The following GPNMB variants were observed in gnomAD, a reference collection of about 807,000 sequenced individuals.
GPNMB encodes the protein glycoprotein nmb, also known as transmembrane glycoprotein NMB.
A neutral mutation model predicts 57.3 loss-of-function variants in GPNMB; 71 were observed. The ratio of observed to expected loss-of-function variants is 1.24; its 90% CI spans 1.02 to 1.51. The LOEUF (loss-of-function observed/expected upper bound fraction) is 1.51. Ranked by LOEUF, GPNMB falls within the 40% of genes most tolerant of loss-of-function variation. The pLI is 0.00. For missense variants in GPNMB, 677 were observed against 691.9 expected (o/e 0.98, Z 0.24); for synonymous variants, 253 against 263.2 (o/e 0.96, Z 0.38).
In GPNMB at chr7:23,269,952, C is replaced by A; in HGVS notation, c.1221-15C>A. 1.2e-6 allele frequency: 2 copies of A among 1,607,928 alleles called. No homozygotes were observed. The highest frequency in any genetic ancestry group is 1.7e-6 in the Non-Finnish European group (2 of 1,174,590). On this transcript the variant is annotated splice_polypyrimidine_tract_variant and intron_variant, in intron 8 of 10. Transcript: ENST00000258733. ...TCTGTGCCCTGTGCGCCCTCGCCCA[C>A]CTCCCCTGTCGCAGCATTCCCACGG...
chr7:23,267,480 A>G (rs1783092677), intron 7 of GPNMB, among the ~76,000 whole-genome samples: 1 of 152,132 alleles, frequency 6.6e-6, no homozygotes, highest in African/African-American at 2.4e-5. Context: ...ACAGAATTCC[A>G]TAGACTGGGT....
chr7:23,263,569 G>T (rs1398918909), intron 6 of GPNMB, among the ~76,000 whole-genome samples: 1 of 146,024 alleles, frequency 6.8e-6, no homozygotes, highest in African/African-American at 2.6e-5. Flanking sequence ...CCGAGATCGC[G>T]CCATTGCACT....
rs530436 is a variant in GPNMB at position 23,260,022 on chromosome 7, C to A, written c.584C>A (p.Ser195Tyr). 1 of 1,614,170 alleles carries A rather than the reference C, an allele frequency of 6.2e-7. No individual in the cohort carries two copies. The highest frequency in any genetic ancestry group is 8.5e-7 in the Non-Finnish European group (1 of 1,180,006). ...TTGGGACGATGTTCAGTGAGAGTTT[C>A]TGTGAACACAGCCAATGTGACACTT... ...QKLGRCSVRV[S>Y]VNTANVTLGP... The change falls in exon 5 of 11, where the codon TCT becomes TAT. Residue 195 changes from serine to tyrosine, a missense_variant. Physicochemically the swap from Ser to Tyr is moderately radical, Grantham distance 144. Coordinates refer to ENST00000258733, the MANE Select transcript of GPNMB (RefSeq NM_002510.3).
chr7:23,265,470 AGGGC>A (rs142550346), intron 6 of GPNMB, among the ~76,000 whole-genome samples: 5,511 of 152,292 alleles, frequency 0.036, 296 homozygotes, highest in African/African-American at 0.12. Flanking sequence ...TGTAACTAAT[AGGGC>A]ATTAGATTCT....
rs1441038863 is a variant in GPNMB at position 23,267,984 on chromosome 7, G to A, written c.1216G>A (p.Gly406Arg). The A allele has an allele frequency of 6.3e-7, 1 of 1,598,428 alleles. No individual in the cohort carries two copies. The highest frequency in any genetic ancestry group is 1.4e-5 in the African/African-American group (1 of 71,424). Reference sequence around the variant, plus strand: ...AATAGACTTTGTCGTGACCTGCCAAGGGAGGTGAGTATATTATCTCCGACA... The same window carrying A: ...AATAGACTTTGTCGTGACCTGCCAAAGGAGGTGAGTATATTATCTCCGACA... Reference protein sequence around the residue: ...SLIDFVVTCQGSIPTEVCTII... With the variant: ...SLIDFVVTCQRSIPTEVCTII... The change falls in exon 8 of 11, where the codon GGG becomes AGG. Residue 406 changes from glycine (G) to arginine (R), a missense_variant. Coordinates refer to ENST00000258733, the MANE Select transcript of GPNMB (RefSeq NM_002510.3).
Position 23,273,576 on chromosome 7 carries a change from G to A in GPNMB, c.1485G>A (p.Leu495=). 3 of 1,613,700 alleles carry A rather than the reference G, an allele frequency of 1.9e-6. No homozygotes were observed. The highest frequency in any genetic ancestry group is 1.6e-4 in the Middle Eastern group (1 of 6,062). ...ANSALISVGC[L]AIFVTVISLL... is the part of the protein sequence containing the mutation. ...GTGCCCTGATCTCCGTTGGCTGCTT[G>A]GCCATATTTGTCACTGTGATCTCCC... The change falls in exon 10 of 11, where the codon TTG becomes TTA. Residue 495 remains leucine, a synonymous_variant. Transcript: ENST00000258733.
intron 1 of GPNMB, among the ~76,000 whole-genome samples, chr7:23,249,210 T>C (rs1056847153): frequency 1.3e-5 from 2 of 152,220 alleles, no homozygotes; most frequent in Admixed American, 1.3e-4. Flanking sequence ...GCATGAGCCA[T>C]TGCATCCGGC....
intron 7 of GPNMB, among the ~76,000 whole-genome samples, 177 bp from the exon 8 acceptor site, chr7:23,267,709 C>T (rs1783099194): frequency 6.6e-6 from 1 of 152,128 alleles, no homozygotes; most frequent in South Asian, 2.1e-4. Flanking sequence ...ATGAAGGCTT[C>T]ACCCTCATGA....
At position 23,274,773 on chromosome 7, in the gene GPNMB, T is replaced by A. The variant is rs1783297774; in HGVS notation, c.*549T>A. 2 of 152,172 alleles carry A rather than the reference T, an allele frequency of 1.3e-5. No individual in the cohort carries two copies. Among genetic ancestry groups the A allele is most frequent in the Admixed American group, 6.5e-5 (1 of 15,278 alleles). 9.4% of individuals were successfully genotyped at this position (152,172 alleles called of 1,614,324 possible). On this transcript the variant is annotated 3_prime_UTR_variant, in exon 11 of 11. Coordinates refer to ENST00000258733, the MANE Select transcript of GPNMB (RefSeq NM_002510.3). ...TCAGAAAAAATACTACTCTCATAAATGGGTGGGAGTATTTTGGTGACAACC... is the reference window on the plus strand; with the variant it reads ...TCAGAAAAAATACTACTCTCATAAAAGGGTGGGAGTATTTTGGTGACAACC...
intron 10 of GPNMB, 35 bp from the exon 11 acceptor site, chr7:23,274,030 C>G (rs762388591): frequency 6.6e-7 from 1 of 1,521,632 alleles, no homozygotes; most frequent in Non-Finnish European, 9.0e-7. Flanking sequence ...AACTGAAGAT[C>G]TTTTAAAAAT....
chr7:23,256,310 A>G (rs1457373137), intron 3 of GPNMB, among the ~76,000 whole-genome samples: 1 of 152,238 alleles, frequency 6.6e-6, no homozygotes. Flanking sequence ...TTCTTTCCAT[A>G]TATCTATAAT....
At chr7:23,271,511 T>C (rs1024611656) in intron 9 of GPNMB, among the ~76,000 whole-genome samples, 2 of 152,104 alleles carry the variant, frequency 1.3e-5, no homozygotes, top group African/African-American at 4.8e-5. Flanking sequence ...AACACATATT[T>C]CCAGCTGGGC....
intron 4 of GPNMB, among the ~76,000 whole-genome samples, chr7:23,258,732 G>A (rs972819453): frequency 1.3e-5 from 2 of 152,116 alleles, no homozygotes; most frequent in Non-Finnish European, 2.9e-5. Flanking sequence ...TTTTCCTCAC[G>A]AATAACCCCT....
At chr7:23,263,548 G>A (rs1006549201) in intron 6 of GPNMB, among the ~76,000 whole-genome samples, 1 of 150,832 alleles carries the variant, frequency 6.6e-6, no homozygotes. Context: ...GGAGGTGGAG[G>A]TTGCAGTGAG....
Position 23,253,442 on chromosome 7 carries a change from G to A in GPNMB, c.206G>A (p.Trp69Ter). The A allele has an allele frequency of 1.2e-6, 2 of 1,613,258 alleles. No homozygotes were observed. Among genetic ancestry groups the A allele is most frequent in the Non-Finnish European group, 1.7e-6 (2 of 1,179,666 alleles). ...GTGTGGAAGCGGGGAGACATGAGGT[G>A]GAAAAACTCCTGGAAGGGTAAGTCA... ...YPVWKRGDMR[W>*]KNSWKGGRVQ... Residue 69 changes from tryptophan (W) to a stop codon, truncating the protein, a stop_gained, in exon 2 of 11, where the codon TGG becomes TAG. Coordinates refer to ENST00000258733, the MANE Select transcript of GPNMB (RefSeq NM_002510.3). LOFTEE classifies it high-confidence loss of function.
intron 8 of GPNMB, among the ~76,000 whole-genome samples, chr7:23,269,434 C>T (rs1187962686): frequency 6.6e-6 from 1 of 152,096 alleles, no homozygotes; most frequent in Admixed American, 6.6e-5. Flanking sequence ...TAAGCAAGAT[C>T]ATGTCATATA....
intron 6 of GPNMB, among the ~76,000 whole-genome samples, chr7:23,261,268 A>C (rs1405171212): frequency 6.6e-6 from 1 of 152,192 alleles, no homozygotes; most frequent in African/African-American, 2.4e-5. Context: ...GAAAGAATGT[A>C]GCTTGAGAGT....
chr7:23,259,468 T>C (rs1213014368), intron 4 of GPNMB, among the ~76,000 whole-genome samples: 1 of 152,108 alleles, frequency 6.6e-6, no homozygotes, highest in Non-Finnish European at 1.5e-5. Flanking sequence ...AGGCATGAGC[T>C]ACCGCGCCCA....
chr7:23,257,284 A>C, intron 4 of GPNMB: 2 of 597,450 alleles, frequency 3.3e-6, no homozygotes. Context: ...AGAGAAAAAC[A>C]AAAAGATTAA....
Sources: allele counts gnomAD v4.1 joint callset (sites outside exome capture counted in the v4.1 genomes callset), GRCh38; gene constraint gnomAD v4.1.1; transcripts MANE v1.5; gene names NCBI Gene and HGNC (gene_info 2026-07-23, HGNC 2026-07-21).